LITAF: variants seen among roughly 807,000 people sequenced by gnomAD.
LITAF encodes lipopolysaccharide-induced tumor necrosis factor-alpha factor.
Under a neutral mutation model 14.5 loss-of-function variants are expected in LITAF, and 9 were observed. The observed-to-expected ratio is 0.62, with a 90% CI of 0.37 to 1.08. The LOEUF (loss-of-function observed/expected upper bound fraction) is 1.08. Ranked by LOEUF, LITAF falls within the 50% of genes least tolerant of loss-of-function variation. The pLI, the probability that LITAF is intolerant of heterozygous loss-of-function variation, is 0.01. For missense variants in LITAF, 206 were observed against 213.4 expected (o/e 0.97, Z 0.22); for synonymous variants, 98 against 88.2 (o/e 1.11, Z -0.62).
intron 1 of LITAF, among the ~76,000 whole-genome samples, chr16:11,575,917 G>A (rs2064625249): frequency 1.3e-5 from 2 of 152,106 alleles, no homozygotes; most frequent in Non-Finnish European, 2.9e-5. Flanking sequence ...GTCTCGCTGT[G>A]TTGCCAAGGC....
At chr16:11,637,958 ATATATATCTATATATCTATATATATC>A (rs2065146250), upstream of LITAF, among the ~76,000 whole-genome samples, 2 of 61,742 alleles carry the variant, frequency 3.2e-5, no homozygotes, top group African/African-American at 2.6e-4. Flanking sequence ...ATATATATCT[ATATATATCTATATATCTATATATATC>A]TATATATATC....
At chr16:11,606,349 T>C (rs1420840926) in intron 3 of LITAF, among the ~76,000 whole-genome samples, 1 of 151,304 alleles carries the variant, frequency 6.6e-6, no homozygotes, top group Non-Finnish European at 1.5e-5. Flanking sequence ...TTGTATTTTT[T>C]GTAGAGACGA....
At chr16:11,579,095 A>G (rs2064689663) in intron 1 of LITAF, among the ~76,000 whole-genome samples, 1 of 152,156 alleles carries the variant, frequency 6.6e-6, no homozygotes, top group African/African-American at 2.4e-5. Flanking sequence ...AGGCTGAGGC[A>G]GGAGAGTTGC....
chr16:11,550,694 C>T (rs897194373), intron 3 of LITAF, among the ~76,000 whole-genome samples: 1 of 152,040 alleles, frequency 6.6e-6, no homozygotes, highest in Non-Finnish European at 1.5e-5. Flanking sequence ...TGGGGTCTTG[C>T]TATGTTGCAC....
upstream of LITAF, among the ~76,000 whole-genome samples, chr16:11,639,428 G>A (rs528063412): frequency 1.1e-4 from 16 of 149,978 alleles, no homozygotes; most frequent in African/African-American, 3.2e-4. Context: ...AAGGAGGGAG[G>A]GATGGATGGG....
At chr16:11,550,638 A>G (rs1378085347) in intron 3 of LITAF, among the ~76,000 whole-genome samples, 1 of 152,068 alleles carries the variant, frequency 6.6e-6, no homozygotes, top group African/African-American at 2.4e-5. Context: ...CAGATAGTAG[A>G]TCTTTTAGTC....
chr16:11,575,073 C>G (rs376537645), intron 1 of LITAF, among the ~76,000 whole-genome samples: 17 of 152,148 alleles, frequency 1.1e-4, no homozygotes, highest in African/African-American at 3.6e-4. Context: ...AAAGTGCTGG[C>G]ATTACAGGCG....
upstream of LITAF, among the ~76,000 whole-genome samples, chr16:11,599,973 G>A (rs2064917331): frequency 6.6e-6 from 1 of 151,784 alleles, no homozygotes; most frequent in African/African-American, 2.4e-5. Flanking sequence ...TTTTTCTGTT[G>A]CACTACCATC....
intron 1 of LITAF, among the ~76,000 whole-genome samples, chr16:11,594,408 C>T (rs949972290): frequency 2.6e-5 from 4 of 152,090 alleles, no homozygotes; most frequent in East Asian, 3.9e-4. Flanking sequence ...AGGAATCACA[C>T]GGACCAGAAA....
intron 3 of LITAF, among the ~76,000 whole-genome samples, chr16:11,615,135 A>C (rs532350681): frequency 1.3e-4 from 20 of 152,354 alleles, no homozygotes; most frequent in Middle Eastern, 3.4e-3. Flanking sequence ...GAGGCAGGAA[A>C]GTCCCAGGGG....
intron 1 of LITAF, chr16:11,575,598 G>C (rs2064619445): frequency 6.6e-6 from 1 of 152,148 alleles, no homozygotes; most frequent in African/African-American, 2.4e-5. Flanking sequence ...TGCCAAGAAG[G>C]AGAGTTCAGA....
rs77423500 is a variant in LITAF, at chr16:11,548,144, A to C, written c.*1493T>G. The C allele has an allele frequency of 5.2e-3, 2,369 of 454,138 alleles. 54 individuals are homozygous for C. Among genetic ancestry groups the C allele is most frequent in the African/African-American group, 0.044 (2,195 of 50,120 alleles). The allele number at this position is 454,138 out of a possible 1,614,324, so 28.1% of individuals were successfully genotyped here. ...ATCAATGGTTACCACTATCGTTTTC[A>C]ACCAATATACAGATGTTCGCTCAAG... On this transcript the variant is annotated 3_prime_UTR_variant, in exon 4 of 4. Coordinates refer to ENST00000622633, the MANE Select transcript of LITAF (RefSeq NM_001136472.2).
chr16:11,635,363 C>A (rs938590909), intron 2 of LITAF, among the ~76,000 whole-genome samples: 10 of 152,232 alleles, frequency 6.6e-5, no homozygotes, highest in African/African-American at 2.4e-4. Flanking sequence ...CCAGAGCCAA[C>A]CCCTGTACTG....
At chr16:11,589,095 A>G (rs893036355), upstream of LITAF, among the ~76,000 whole-genome samples, 1 of 152,226 alleles carries the variant, frequency 6.6e-6, no homozygotes, top group African/African-American at 2.4e-5. Context: ...GGGGAGAGCT[A>G]TAAGACTGTA....
upstream of LITAF, among the ~76,000 whole-genome samples, chr16:11,637,626 G>A (rs367688038): frequency 5.8e-4 from 89 of 152,288 alleles, 2 homozygotes; most frequent in Middle Eastern, 3.4e-3. Flanking sequence ...GCACGCAGCG[G>A]CTCACGCCTA....
At chr16:11,571,497 T>C (rs1266888809) in intron 1 of LITAF, among the ~76,000 whole-genome samples, 1 of 152,188 alleles carries the variant, frequency 6.6e-6, no homozygotes, top group Non-Finnish European at 1.5e-5. Flanking sequence ...TCCACCCTCA[T>C]AGCTGGGTTG....
intron 1 of LITAF, among the ~76,000 whole-genome samples, chr16:11,568,163 C>T (rs2064484618): frequency 6.6e-6 from 1 of 151,872 alleles, no homozygotes; most frequent in Non-Finnish European, 1.5e-5. Flanking sequence ...TGGTATGCAC[C>T]TGCAGTCCAA....
chr16:11,594,509 A>G (rs1423791758), intron 1 of LITAF, among the ~76,000 whole-genome samples: 2 of 152,184 alleles, frequency 1.3e-5, no homozygotes, highest in Non-Finnish European at 2.9e-5. Context: ...AATGCAGACT[A>G]TGATCCCACT....
chr16:11,635,069 TAAAATAAAATAAAATAAAATAA>T (rs1567269979), intron 2 of LITAF, among the ~76,000 whole-genome samples: 6 of 77,798 alleles, frequency 7.7e-5, no homozygotes, highest in East Asian at 3.3e-4. Flanking sequence ...TAAAATAAAA[TAAAATAAAATAAAATAAAATAA>T]AACTCCAGTC....
Sources: gnomAD v4.1 joint callset for allele counts (sites outside exome capture counted in the v4.1 genomes callset) on GRCh38, gnomAD v4.1.1 for gene constraint, MANE v1.5 for transcripts, NCBI Gene and HGNC (gene_info 2026-07-23, HGNC 2026-07-21) for gene names.